The following HHAT variants were observed in gnomAD, a reference collection of about 807,000 sequenced individuals.
HHAT encodes protein-cysteine N-palmitoyltransferase HHAT.
In HHAT, 47 loss-of-function variants were observed where a neutral mutation model predicts 70.8. The observed-to-expected ratio is 0.66, with a 90% CI of 0.53 to 0.85. HHAT has a LOEUF of 0.85. Ranked by LOEUF, HHAT falls within the 40% of genes least tolerant of loss-of-function variation. HHAT has a pLI of 0.00. For synonymous variants in HHAT, 228 were observed against 247.6 expected, an observed-to-expected ratio of 0.92 and a Z score of 0.74; for missense variants, 609 against 604.8, an observed-to-expected ratio of 1.01 and a Z score of -0.07.
Position 210,333,399 on chromosome 1 carries a change from G to C in HHAT, c.-44+4295G>C, listed in dbSNP as rs139478871. 7.3e-3 allele frequency among the ~76,000 whole-genome samples: 1,114 copies of C among 152,144 alleles called. 15 individuals are homozygous for C. Among genetic ancestry groups the C allele is most frequent in the African/African-American group, 0.025 (1,050 of 41,514 alleles). ...TGATCAGGCCACTGCACTCTAGCCT[G>C]CATGACAGAGTGAGACCCTGTCTCT... On this transcript the variant is annotated intron_variant, in intron 1 of 11. Coordinates refer to ENST00000261458, the MANE Select transcript of HHAT (RefSeq NM_018194.6).
At position 210,433,523 on chromosome 1, in the gene HHAT, T is replaced by C. The variant is rs569218318; in HGVS notation, c.856+15198T>C. On this transcript the variant is annotated intron_variant, in intron 7 of 11. Coordinates refer to ENST00000261458, the MANE Select transcript of HHAT (RefSeq NM_018194.6). The stretch of plus-strand genomic sequence containing the variant: ...TGTGGTTAATCAAAGGAGAGAAATA[T>C]TCACATACTCCATGGAAGGTGTTTA... Among the ~76,000 whole-genome samples the C allele has an allele frequency of 2.6e-5, 4 of 151,288 alleles. No individual in the cohort carries two copies. The South Asian group carries it at 8.4e-4, about 32-fold the overall frequency.
At chr1:210,664,550 A>G (rs528893259) in intron 11 of HHAT, among the ~76,000 whole-genome samples, 1 of 152,344 alleles carries the variant, frequency 6.6e-6, no homozygotes, top group Non-Finnish European at 1.5e-5. Flanking sequence ...CTGGTGCATG[A>G]GGCAGTTCTT....
chr1:210,459,619 C>A (rs919843246), intron 7 of HHAT, among the ~76,000 whole-genome samples: 1 of 152,096 alleles, frequency 6.6e-6, no homozygotes, highest in East Asian at 1.9e-4. Context: ...ACCTCTTCAC[C>A]CCCTTCAAGT....
In HHAT at chr1:210,418,018, C is replaced by G; in HGVS notation, c.685-136C>G. ...CTTCCAACCAAGAACATTGAGTGTT[C>G]CCAAGACAAACCAAACCAACCCTCT... is the stretch of plus-strand genomic sequence containing the variant. On this transcript the variant is annotated intron_variant, in intron 6 of 11. Transcript: ENST00000261458. 1.0e-5 allele frequency: 8 copies of G among 803,040 alleles called. No homozygotes were observed. In the South Asian group the frequency reaches 1.3e-4, roughly 13 times the overall value. 49.7% of individuals were successfully genotyped at this position (803,040 alleles called of 1,614,324 possible).
intron 1 of HHAT, among the ~76,000 whole-genome samples, chr1:210,330,140 G>A (rs2084860683): frequency 6.6e-6 from 1 of 152,146 alleles, no homozygotes; most frequent in South Asian, 2.1e-4. Flanking sequence ...TTGAAGAGGC[G>A]GTAGTTCATT....
At chr1:210,566,248 A>G (rs567354926) in intron 9 of HHAT, among the ~76,000 whole-genome samples, 22 of 152,286 alleles carry the variant, frequency 1.4e-4, no homozygotes, top group African/African-American at 5.1e-4. Context: ...AAAAGCTAGA[A>G]AATATTAAAC....
rs182101561 is a variant in HHAT at position 210,563,442 on chromosome 1, G to T, written c.1044-24456G>T. On this transcript the variant is annotated intron_variant, in intron 9 of 11. Transcript: ENST00000261458. Reference sequence around the variant, plus strand: ...TCAGAGTAGAGTGGGGTGGAAGGCAGTTTATGGGATAGTGGGTGGAAAGCA... The same window carrying T: ...TCAGAGTAGAGTGGGGTGGAAGGCATTTTATGGGATAGTGGGTGGAAAGCA... Among the ~76,000 whole-genome samples, 16 of 152,266 alleles carry T rather than the reference G, an allele frequency of 1.1e-4. No individual in the cohort carries two copies. The East Asian group carries it at 3.1e-3, about 29-fold the overall frequency.
At chr1:210,495,250 T>C (rs1052503625) in intron 8 of HHAT, among the ~76,000 whole-genome samples, 18 of 150,788 alleles carry the variant, frequency 1.2e-4, no homozygotes, top group African/African-American at 4.4e-4. Context: ...TAATACATGC[T>C]TAATATATAT....
At chr1:210,599,572 C>G (rs2148817054) in intron 10 of HHAT, among the ~76,000 whole-genome samples, 1 of 152,274 alleles carries the variant, frequency 6.6e-6, no homozygotes, top group African/African-American at 2.4e-5. Context: ...CCTCTCTCCC[C>G]CTCAGATTGA....
intron 8 of HHAT, among the ~76,000 whole-genome samples, chr1:210,485,952 G>A (rs915406003): frequency 2.0e-5 from 3 of 152,008 alleles, no homozygotes; most frequent in African/African-American, 7.2e-5. Flanking sequence ...TGTAATATTG[G>A]GCCTCAATTT....
chr1:210,517,463 A>G (rs1242774133), intron 9 of HHAT, among the ~76,000 whole-genome samples: 2 of 152,180 alleles, frequency 1.3e-5, no homozygotes, highest in African/African-American at 4.8e-5. Context: ...CTCTTTTAAG[A>G]CAAAGGTGTA....
intron 11 of HHAT, among the ~76,000 whole-genome samples, chr1:210,646,910 G>A (rs1189391827): frequency 6.6e-6 from 1 of 152,118 alleles, no homozygotes; most frequent in African/African-American, 2.4e-5. Context: ...AAAAACATTA[G>A]CATCCCCAGC....
chr1:210,424,190 T>C (rs2092989396), intron 7 of HHAT, among the ~76,000 whole-genome samples: 1 of 152,214 alleles, frequency 6.6e-6, no homozygotes, highest in Non-Finnish European at 1.5e-5. Flanking sequence ...TTCCATTTCT[T>C]TGTATCCTCT....
chr1:210,417,768 G>A lies in HHAT; in HGVS notation c.685-386G>A, dbSNP rs560615495. Among the ~76,000 whole-genome samples the A allele has an allele frequency of 4.6e-5, 7 of 152,262 alleles. No homozygotes were observed. In the South Asian group the frequency reaches 1.5e-3, roughly 32 times the overall value. The stretch of plus-strand genomic sequence containing the variant: ...TTTTGCCAGCCTCAGACATGAGTAG[G>A]TGATGGAGGAATTCAGGCAGGGTGG... On this transcript the variant is annotated intron_variant, in intron 6 of 11. Transcript: ENST00000261458.
intron 1 of HHAT, among the ~76,000 whole-genome samples, chr1:210,347,833 C>G (rs1006370816): frequency 2.0e-5 from 3 of 152,128 alleles, no homozygotes; most frequent in African/African-American, 4.8e-5. Flanking sequence ...GGAGGCTGTT[C>G]CAATTCTGTT....
chr1:210,670,197 A>C (rs1312586101), intron 11 of HHAT, among the ~76,000 whole-genome samples: 6 of 152,044 alleles, frequency 3.9e-5, no homozygotes, highest in Non-Finnish European at 1.5e-5. Flanking sequence ...CTGTTATTTG[A>C]GCTGCTGATG....
At chr1:210,505,496 G>T (rs1238195940) in intron 8 of HHAT, among the ~76,000 whole-genome samples, 1 of 152,190 alleles carries the variant, frequency 6.6e-6, no homozygotes, top group Non-Finnish European at 1.5e-5. Context: ...TTAGTCAAGT[G>T]AGGAGGAGGT....
intron 7 of HHAT, among the ~76,000 whole-genome samples, chr1:210,450,784 G>A (rs180972923): frequency 6.6e-6 from 1 of 152,116 alleles, no homozygotes; most frequent in East Asian, 1.9e-4. Flanking sequence ...TTGATAACTG[G>A]CAGTAACGTT....
At chr1:210,475,914 A>C (rs928908103) in intron 8 of HHAT, among the ~76,000 whole-genome samples, 3 of 152,218 alleles carry the variant, frequency 2.0e-5, no homozygotes, top group African/African-American at 7.2e-5. Flanking sequence ...GTGTAATTAT[A>C]TTGTTAAGTA....
Sources: gnomAD v4.1 joint callset for allele counts (sites outside exome capture counted in the v4.1 genomes callset) on GRCh38, gnomAD v4.1.1 for gene constraint, MANE v1.5 for transcripts, NCBI Gene and HGNC (gene_info 2026-07-23, HGNC 2026-07-21) for gene names.